Variants in STK31 observed in about 807,000 individuals in gnomAD.
STK31 encodes the protein serine/threonine kinase 31.
A neutral mutation model predicts 129.7 loss-of-function variants in STK31; 89 were observed. The observed-to-expected ratio is 0.69, with a 90% CI of 0.58 to 0.82. The LOEUF is 0.82. Among genes scored for constraint, STK31 ranks in the 40% least tolerant of loss-of-function variants. STK31 has a pLI of 0.00. For synonymous variants in STK31, 448 were observed against 395.3 expected (o/e 1.13, Z -1.58); for missense variants, 1,187 against 1,176.4 (o/e 1.01, Z -0.13).
chr7:23,813,078 C>CTTTTTTTTGTTTT, intron 22 of STK31, among the ~76,000 whole-genome samples: 1 of 94,116 alleles, frequency 1.1e-5, no homozygotes, highest in Non-Finnish European at 2.0e-5. Context: ...GCTCTCTGTT[C>CTTTTTTTTGTTTT]TTTTTTTTTT....
chr7:23,830,171 G>T (rs552990224), intron 23 of STK31, among the ~76,000 whole-genome samples: 1 of 152,212 alleles, frequency 6.6e-6, no homozygotes, highest in South Asian at 2.1e-4. Flanking sequence ...TTTCATTTCT[G>T]ATTGTGTTTA....
intron 18 of STK31, among the ~76,000 whole-genome samples, chr7:23,786,090 A>G (rs1791265987): frequency 6.6e-6 from 1 of 152,144 alleles, no homozygotes; most frequent in African/African-American, 2.4e-5. Flanking sequence ...ATATGTCCTT[A>G]ATAGGATATA....
intron 22 of STK31, chr7:23,791,408 TG>T (rs891934187): frequency 1.7e-6 from 1 of 587,272 alleles, no homozygotes; most frequent in African/African-American, 2.0e-5. Context: ...CACTTATAAG[TG>T]GGAGCTAAAC....
At chr7:23,779,991 T>C (rs1286299342) in intron 15 of STK31, among the ~76,000 whole-genome samples, 2 of 152,210 alleles carry the variant, frequency 1.3e-5, no homozygotes, top group East Asian at 3.8e-4. Flanking sequence ...AATCTCCTGC[T>C]CTGTGGGTTG....
At chr7:23,823,655 G>C (rs1242942325) in intron 23 of STK31, among the ~76,000 whole-genome samples, 4 of 152,322 alleles carry the variant, frequency 2.6e-5, no homozygotes, top group South Asian at 2.1e-4. Context: ...TGGTGTTTTA[G>C]ACATGAAGTC....
chr7:23,761,687 C>T lies in STK31; in HGVS notation c.1294-1114C>T, dbSNP rs182533525. ...CCTCCCAAAGTGCTGGGATTACAGG[C>T]GTGGGCCACCGTGCCCAGATGTTTT... On this transcript the variant is annotated intron_variant, in intron 10 of 23. Transcript: ENST00000355870. Among the ~76,000 whole-genome samples, 771 of 150,994 alleles carry T rather than the reference C, an allele frequency of 5.1e-3. 14 individuals carry two copies. The highest frequency in any genetic ancestry group is 0.025 in the East Asian group (131 of 5,162).
At chr7:23,721,567 C>G in intron 4 of STK31, 1 of 927,818 alleles carries the variant, frequency 1.1e-6, no homozygotes. Context: ...TGGGTGGAGC[C>G]CTTTGCGGAA....
chr7:23,784,184 G>T (rs1049937377), intron 17 of STK31, among the ~76,000 whole-genome samples: 1 of 151,996 alleles, frequency 6.6e-6, no homozygotes, highest in Non-Finnish European at 1.5e-5. Flanking sequence ...GTAAACACTG[G>T]TTTACTAATC....
rs146426193 is a variant in STK31 at position 23,798,867 on chromosome 7, C to T, written c.2760+7921C>T. On this transcript the variant is annotated intron_variant, in intron 22 of 23. Transcript: ENST00000355870. ...AAATCCCATCATCTCAGCCCAAAAT[C>T]TCCTTAAGCTGATAAGCAACTTCAG... Among the ~76,000 whole-genome samples, 529 of 152,326 alleles carry T rather than the reference C, an allele frequency of 3.5e-3. 4 individuals are homozygous for T. Among genetic ancestry groups the T allele is most frequent in the African/African-American group, 0.012 (499 of 41,564 alleles).
In STK31 at chr7:23,744,282, G is replaced by A. The variant is rs1788221554; in HGVS notation, c.1017+7204G>A. 2.2e-5 allele frequency among the ~76,000 whole-genome samples: 3 copies of A among 137,884 alleles called. No homozygotes were observed. In the South Asian group the frequency reaches 7.4e-4, roughly 34 times the overall value. 90.5% of individuals were successfully genotyped at this position (137,884 alleles called of 152,430 possible). ...TGTATTTCATTCGGTGAATCCTTTAGTTCTAGGATTTCTTTTTTTTTTTTT... is the reference window on the plus strand; with the variant it reads ...TGTATTTCATTCGGTGAATCCTTTAATTCTAGGATTTCTTTTTTTTTTTTT... On this transcript the variant is annotated intron_variant, in intron 8 of 23. Coordinates refer to ENST00000355870, the MANE Select transcript of STK31 (RefSeq NM_031414.5).
intron 16 of STK31, among the ~76,000 whole-genome samples, chr7:23,782,909 T>G (rs1170482572): frequency 6.6e-6 from 1 of 152,228 alleles, no homozygotes; most frequent in Non-Finnish European, 1.5e-5. Context: ...TTGCAAGATT[T>G]GTGCTTATGT....
At chr7:23,733,332 C>G (rs1787536144) in intron 6 of STK31, among the ~76,000 whole-genome samples, 1 of 151,306 alleles carries the variant, frequency 6.6e-6, no homozygotes, top group African/African-American at 2.4e-5. Flanking sequence ...GGGAGGATTG[C>G]TTGGGCCCAG....
At position 23,749,518 on chromosome 7, in the gene STK31, T is replaced by C. The variant is rs568663462; in HGVS notation, c.1018-3199T>C. Among the ~76,000 whole-genome samples, 67 of 146,600 alleles carry C rather than the reference T, an allele frequency of 4.6e-4. 2 individuals are homozygous for C. Among genetic ancestry groups the C allele is most frequent in the Admixed American group, 4.0e-3 (59 of 14,800 alleles). On this transcript the variant is annotated intron_variant, in intron 8 of 23. Transcript: ENST00000355870. ...CCACCATGCCTGGCTAATTTTTGCTTTTTTTTTTTTTTTGGGGGTAGAGAC... is the reference window on the plus strand; with the variant it reads ...CCACCATGCCTGGCTAATTTTTGCTCTTTTTTTTTTTTTGGGGGTAGAGAC...
chr7:23,730,654 A>G (rs1234758315), intron 6 of STK31, among the ~76,000 whole-genome samples: 1 of 151,734 alleles, frequency 6.6e-6, no homozygotes, highest in East Asian at 1.9e-4. Context: ...GAAGCTAACT[A>G]GGGAAGAGCT....
chr7:23,828,395 T>C (rs545550106), intron 23 of STK31, among the ~76,000 whole-genome samples: 3 of 152,340 alleles, frequency 2.0e-5, no homozygotes, highest in African/African-American at 4.8e-5. Context: ...TTCCGAGCCA[T>C]GTGCCGGATA....
At chr7:23,749,531 T>TGGGG (rs138533739) in intron 8 of STK31, among the ~76,000 whole-genome samples, 132 of 145,244 alleles carry the variant, frequency 9.1e-4, no homozygotes, top group Middle Eastern at 3.6e-3. Flanking sequence ...TTTTTTTTTT[T>TGGGG]GGGGGTAGAG....
At chr7:23,724,755 C>T (rs941500147) in intron 4 of STK31, among the ~76,000 whole-genome samples, 2 of 152,038 alleles carry the variant, frequency 1.3e-5, no homozygotes, top group African/African-American at 4.8e-5. Flanking sequence ...TCTCTCTTGC[C>T]CTTTAGTTGT....
chr7:23,809,325 C>T (rs1792937761), intron 22 of STK31, among the ~76,000 whole-genome samples: 1 of 152,102 alleles, frequency 6.6e-6, no homozygotes. Context: ...ACCTCATTCT[C>T]ACATTCCTCT....
chr7:23,730,878 A>ATATATATATATATATATAT, intron 6 of STK31, among the ~76,000 whole-genome samples: 2 of 59,542 alleles, frequency 3.4e-5, no homozygotes, highest in South Asian at 8.2e-4. Flanking sequence ...ATATATATAT[A>ATATATATATATATATATAT]TTTTTTTTTT....
Sources: gnomAD v4.1 joint callset for allele counts (sites outside exome capture counted in the v4.1 genomes callset) on GRCh38, gnomAD v4.1.1 for gene constraint, MANE v1.5 for transcripts, NCBI Gene and HGNC (gene_info 2026-07-23, HGNC 2026-07-21) for gene names.